Variants in COL7A1 observed in about 807,000 individuals in gnomAD.
COL7A1 encodes collagen type VII alpha 1 chain.
A neutral mutation model predicts 456.2 loss-of-function variants in COL7A1; 296 were observed. The ratio of observed to expected loss-of-function variants is 0.65; its 90% CI spans 0.59 to 0.71. The LOEUF is 0.71. Among genes scored for constraint, COL7A1 ranks in the 30% least tolerant of loss-of-function variants. The probability of loss-of-function intolerance (pLI) is 0.00; values close to 1 mark genes in which losing one functional copy is unlikely to be tolerated. For synonymous variants in COL7A1, 1,464 were observed against 1,525.9 expected, an observed-to-expected ratio of 0.96 and a Z score of 0.95; for missense variants, 3,441 against 4,017.2, an observed-to-expected ratio of 0.86 and a Z score of 3.88.
Position 48,566,202 on chromosome 3 carries a change from G to GGCCT in COL7A1, c.8407+61_8407+64dup. 1.3e-6 allele frequency: 2 copies of GGCCT among 1,537,158 alleles called. No individual in the cohort carries two copies. The highest frequency in any genetic ancestry group is 1.8e-6 in the Non-Finnish European group (2 of 1,130,366). On this transcript the variant is annotated intron_variant, in intron 114 of 118. Coordinates refer to ENST00000681320, the MANE Select transcript of COL7A1 (RefSeq NM_000094.4). The surrounding 1 kb of genome is among the most constrained non-coding windows in gnomAD (Gnocchi z 5.9). ...GACTGCTTGCCCTGTAAGTTCTAGG[G>GGCCT]GCCTGCCTGCCCTTGCCTAGGGTGC...
chr3:48,578,503 G>A lies in COL7A1; in HGVS notation c.5437C>T (p.Leu1813Phe). ...CCAGGGAGGCCCTGTTCTCCACGGA[G>A]GCCTGGAAGCCCCTGGAAAAAGTCT... is the stretch of plus-strand genomic sequence containing the variant. Reference protein sequence around the residue: ...GDPGRDGLPGLRGEQGLPGPS... With the variant: ...GDPGRDGLPGFRGEQGLPGPS... Residue 1813 changes from leucine to phenylalanine, a missense_variant, in exon 64 of 119, where the codon CTC becomes TTC. By Grantham distance (22) the Leu-to-Phe change is conservative. Transcript: ENST00000681320. The surrounding 1 kb of genome is among the most constrained non-coding windows in gnomAD (Gnocchi z 4.7). 9 of 1,612,264 alleles carry A rather than the reference G, an allele frequency of 5.6e-6. No individual in the cohort carries two copies. The highest frequency in any genetic ancestry group is 7.6e-6 in the Non-Finnish European group (9 of 1,179,934).
chr3:48,566,438 G>A lies in COL7A1; in HGVS notation c.8358+72C>T, dbSNP rs2043608213. On this transcript the variant is annotated intron_variant, in intron 113 of 118. Coordinates refer to ENST00000681320, the MANE Select transcript of COL7A1 (RefSeq NM_000094.4). The surrounding 1 kb of genome is among the most constrained non-coding windows in gnomAD (Gnocchi z 5.9). ...CAGGGCCCAGGGGTCAGGGTGCTGG[G>A]TGAGGGAGGTAGGGCCCCAGCCCAC... The A allele has an allele frequency of 6.2e-6, 10 of 1,609,888 alleles. No homozygotes were observed. The highest frequency in any genetic ancestry group is 8.5e-6 in the Non-Finnish European group (10 of 1,177,046).
intron 18 of COL7A1, 120 bp downstream of exon 18, chr3:48,589,207 G>A: frequency 6.6e-7 from 1 of 1,510,704 alleles, no homozygotes; most frequent in Non-Finnish European, 9.1e-7. Context: ...GTGTGGGGTG[G>A]GTCAGTGTGG....
chr3:48,580,078 A>G lies in COL7A1; in HGVS notation c.5098-21T>C. 4.3e-6 allele frequency: 7 copies of G among 1,613,562 alleles called. No individual in the cohort carries two copies. The highest frequency in any genetic ancestry group is 5.9e-6 in the Non-Finnish European group (7 of 1,179,750). The stretch of plus-strand genomic sequence containing the variant: ...GGACCCTGGGAAAGGAAATGATTAT[A>G]GTCAATAGGAGCCCTCAGGTCCCAG... On this transcript the variant is annotated intron_variant, in intron 56 of 118. Transcript: ENST00000681320. This position sits in a 1 kb window ranked among gnomAD's most constrained non-coding sequence, Gnocchi z 4.5.
chr3:48,566,022 CA>C lies in COL7A1; in HGVS notation c.8407+244del, dbSNP rs1263825616. 2.4e-4 allele frequency among the ~76,000 whole-genome samples: 36 copies of C among 152,294 alleles called. No individual in the cohort carries two copies. The highest frequency in any genetic ancestry group is 8.4e-4 in the African/African-American group (35 of 41,558). Reference sequence around the variant, plus strand: ...AGGGGACCAGCTCTGCTCCCACCATCATCCCACTCCCCACACAGCCAAGCTG... The same window carrying C: ...AGGGGACCAGCTCTGCTCCCACCATCTCCCACTCCCCACACAGCCAAGCTG... On this transcript the variant is annotated intron_variant, in intron 114 of 118. Coordinates refer to ENST00000681320, the MANE Select transcript of COL7A1 (RefSeq NM_000094.4). This position sits in a 1 kb window ranked among gnomAD's most constrained non-coding sequence, Gnocchi z 5.9.
chr3:48,583,956 G>A lies in COL7A1; in HGVS notation c.4225-3C>T, dbSNP rs749720530. 1 of 1,614,008 alleles carries A rather than the reference G, an allele frequency of 6.2e-7. No homozygotes were observed. Among genetic ancestry groups the A allele is most frequent in the East Asian group, 2.2e-5 (1 of 44,872 alleles). On this transcript the variant is annotated splice_polypyrimidine_tract_variant and splice_region_variant and intron_variant, in intron 38 of 118. Coordinates refer to ENST00000681320, the MANE Select transcript of COL7A1 (RefSeq NM_000094.4). The surrounding 1 kb of genome is among the most constrained non-coding windows in gnomAD (Gnocchi z 5.1). Reference sequence around the variant, plus strand: ...CCTTCACCTGGTCCAGGGGGACCCTGGGAGAGAACAGCAGGTCAGGGAATG... The same window carrying A: ...CCTTCACCTGGTCCAGGGGGACCCTAGGAGAGAACAGCAGGTCAGGGAATG...
chr3:48,586,010 T>C lies in COL7A1; in HGVS notation c.3724-35A>G. The C allele has an allele frequency of 1.2e-6, 2 of 1,613,702 alleles. No individual in the cohort carries two copies. The highest frequency in any genetic ancestry group is 2.2e-5 in the South Asian group (2 of 91,086). On this transcript the variant is annotated intron_variant, in intron 28 of 118. Coordinates refer to ENST00000681320, the MANE Select transcript of COL7A1 (RefSeq NM_000094.4). This position sits in a 1 kb window ranked among gnomAD's most constrained non-coding sequence, Gnocchi z 5.1. ...TAGGGTCTCTTTGAGGTTGAACATTTCTACCAAGAACCCCCAGACCCCTTA... is the reference window on the plus strand; with the variant it reads ...TAGGGTCTCTTTGAGGTTGAACATTCCTACCAAGAACCCCCAGACCCCTTA...
In COL7A1 at chr3:48,567,554, A is replaced by T; in HGVS notation, c.8046+20T>A. 6.2e-7 allele frequency: 1 copy of T among 1,613,766 alleles called. No homozygotes were observed. The highest frequency in any genetic ancestry group is 8.5e-7 in the Non-Finnish European group (1 of 1,179,904). On this transcript the variant is annotated intron_variant, in intron 109 of 118. Coordinates refer to ENST00000681320, the MANE Select transcript of COL7A1 (RefSeq NM_000094.4). The surrounding 1 kb of genome is among the most constrained non-coding windows in gnomAD (Gnocchi z 4.3). ...CCCATCCTGACTCCCTGTCATGTCC[A>T]CTGTCCACAGACCCTGTACCTTGGG...
rs201196696 is a variant in COL7A1, at chr3:48,581,270, C to T, written c.4889G>A (p.Arg1630Gln). The T allele has an allele frequency of 1.3e-4, 214 of 1,613,396 alleles. No homozygotes were observed. The highest frequency in any genetic ancestry group is 3.0e-4 in the Admixed American group (18 of 59,990). ...RPGPPGPVGP[R>Q]GRDGEVGEKG... is the part of the protein sequence containing the mutation. ...ACTCCAGCCTCTTACATCTCGTCCT[C>T]GGGGGCCAACAGGTCCTGGGGGGCC... The change falls in exon 52 of 119, where the codon CGA (arginine) becomes CAA (glutamine). Residue 1630 changes from arginine (R) to glutamine (Q), a missense_variant. Coordinates refer to ENST00000681320, the MANE Select transcript of COL7A1 (RefSeq NM_000094.4). The surrounding 1 kb of genome is among the most constrained non-coding windows in gnomAD (Gnocchi z 5.8).
intron 65 of COL7A1, 48 bp from the exon 66 acceptor site, chr3:48,577,075 C>A (rs779542185): frequency 6.2e-7 from 1 of 1,609,122 alleles, no homozygotes; most frequent in Non-Finnish European, 8.5e-7. Context: ...TGGTGTCTGG[C>A]TGCAAGACAC....
chr3:48,590,277 C>T lies in COL7A1; in HGVS notation c.1986G>A (p.Gln662=). ...ITGLQPGTTY[Q]VAVSVLRGRE... is the part of the protein sequence containing the mutation. ...TGCCTCGCAGTACCGACACAGCCAC[C>T]TGGTAGGTGGTTCCAGGCTGCAGCC... The change falls in exon 16 of 119, where the codon CAG becomes CAA. Residue 662 remains glutamine, a synonymous_variant. Coordinates refer to ENST00000681320, the MANE Select transcript of COL7A1 (RefSeq NM_000094.4). The surrounding 1 kb of genome is among the most constrained non-coding windows in gnomAD (Gnocchi z 4.6). 6.2e-7 allele frequency: 1 copy of T among 1,614,016 alleles called. No homozygotes were observed. The highest frequency in any genetic ancestry group is 1.3e-5 in the African/African-American group (1 of 75,022).
At position 48,592,946 on chromosome 3, in the gene COL7A1, T is replaced by C. The variant is rs113167762; in HGVS notation, c.683-8A>G. 5.9e-4 allele frequency: 944 copies of C among 1,613,540 alleles called. 5 individuals are homozygous for C. In the African/African-American group the frequency reaches 0.012, roughly 20 times the overall value. Reference sequence around the variant, plus strand: ...CAGAGGTCGAGTCATCCGCTGGGAATGCGGGATCAGGGGATCAGGCAGGAG... The same window carrying C: ...CAGAGGTCGAGTCATCCGCTGGGAACGCGGGATCAGGGGATCAGGCAGGAG... On this transcript the variant is annotated splice_polypyrimidine_tract_variant and splice_region_variant and intron_variant, in intron 6 of 118. Transcript: ENST00000681320. The surrounding 1 kb of genome is among the most constrained non-coding windows in gnomAD (Gnocchi z 7.6).
In COL7A1 at chr3:48,578,335, G is replaced by C. The variant is rs963363774; in HGVS notation, c.5518C>G (p.Leu1840Val). 5 of 1,612,682 alleles carry C rather than the reference G, an allele frequency of 3.1e-6. No homozygotes were observed. In the African/African-American group the frequency reaches 6.7e-5, roughly 22 times the overall value. Residue 1840 changes from leucine to valine, a missense_variant, in exon 65 of 119, where the codon CTG becomes GTG. Leu to Val is a conservative substitution (Grantham distance 32, BLOSUM62 1). This residue lies in a region of COL7A1 where 2,084 missense variants were observed against 2,501.3 expected (regional missense o/e 0.83). Coordinates refer to ENST00000681320, the MANE Select transcript of COL7A1 (RefSeq NM_000094.4). This position sits in a 1 kb window ranked among gnomAD's most constrained non-coding sequence, Gnocchi z 4.7. ...GACACACTCACGTTTTTTCCATTCA[G>C]GCCAGGTTTGCCATCCTCGCCTGGC... ...GKPGEDGKPG[L>V]NGKNGEPGDP...
chr3:48,588,747 A>G lies in COL7A1; in HGVS notation c.2482T>C (p.Ser828Pro), dbSNP rs1423152615. ...CCTTCGAGACCCCGGATCTCTGCAGAGTCTGTGTTTCCTGGGAGTATCTGG... is the reference window on the plus strand; with the variant it reads ...CCTTCGAGACCCCGGATCTCTGCAGGGTCTGTGTTTCCTGGGAGTATCTGG... ...RHQILPGNTD[S>P]AEIRGLEGGV... The change falls in exon 20 of 119, where the codon TCT (serine) becomes CCT (proline). Residue 828 changes from serine to proline, a missense_variant. Physicochemically the swap from Ser to Pro is moderately conservative, Grantham distance 74 (BLOSUM62 -1). This residue lies in a region of COL7A1 where 444 missense variants were observed against 427.6 expected (regional missense o/e 1.04). Transcript: ENST00000681320. This position sits in a 1 kb window ranked among gnomAD's most constrained non-coding sequence, Gnocchi z 4.6. 4 of 1,613,734 alleles carry G rather than the reference A, an allele frequency of 2.5e-6. No individual in the cohort carries two copies. Among genetic ancestry groups the G allele is most frequent in the Non-Finnish European group, 2.5e-6 (3 of 1,180,038 alleles).
Position 48,593,845 on chromosome 3 carries a change from G to C in COL7A1, c.267-149C>G. The C allele has an allele frequency of 1.0e-6, 1 of 984,000 alleles. No individual in the cohort carries two copies. Among genetic ancestry groups the C allele is most frequent in the Non-Finnish European group, 1.6e-6 (1 of 639,460 alleles). The allele number at this position is 984,000 out of a possible 1,614,324, so 61.0% of individuals were successfully genotyped here. A position where few individuals can be genotyped will look rare whatever the true frequency, so the allele number is the denominator to read the frequency against. ...CATTCTCCACACCCACTTGCCTCTG[G>C]AACCCCCAGGTTAACAAACTCCCCA... On this transcript the variant is annotated intron_variant, in intron 3 of 118. Coordinates refer to ENST00000681320, the MANE Select transcript of COL7A1 (RefSeq NM_000094.4). This position sits in a 1 kb window ranked among gnomAD's most constrained non-coding sequence, Gnocchi z 4.4.
chr3:48,584,093 G>T (rs758959969), intron 37 of COL7A1, 32 bp from the exon 38 acceptor site: 3 of 1,614,024 alleles, frequency 1.9e-6, no homozygotes, highest in African/African-American at 2.7e-5. Context: ...CATGACCCTG[G>T]GCCACACCTC....
Position 48,580,477 on chromosome 3 carries a change from T to C in COL7A1, c.5052+104A>G. ...GTGCAGGGGTCAAAGGAAGTGAAGATTGGGAGGGTTTAGCATTACAGGGTT... is the reference window on the plus strand; with the variant it reads ...GTGCAGGGGTCAAAGGAAGTGAAGACTGGGAGGGTTTAGCATTACAGGGTT... On this transcript the variant is annotated intron_variant, in intron 55 of 118. Transcript: ENST00000681320. This position sits in a 1 kb window ranked among gnomAD's most constrained non-coding sequence, Gnocchi z 4.5. The C allele has an allele frequency of 6.8e-7, 1 of 1,480,652 alleles. No homozygotes were observed. Among genetic ancestry groups the C allele is most frequent in the Non-Finnish European group, 9.3e-7 (1 of 1,072,460 alleles). 91.7% of individuals were successfully genotyped at this position (1,480,652 alleles called of 1,614,324 possible).
rs764191830 is a variant in COL7A1 at position 48,580,838 on chromosome 3, C to G, written c.4980+44G>C. The G allele has an allele frequency of 6.2e-7, 1 of 1,612,956 alleles. No homozygotes were observed. Among genetic ancestry groups the G allele is most frequent in the South Asian group, 1.1e-5 (1 of 91,050 alleles). ...CTCAGCCTTTCCTATCACCTTCATG[C>G]CCACCTCCCATCACCCCTGTTACTT... On this transcript the variant is annotated intron_variant, in intron 54 of 118. Coordinates refer to ENST00000681320, the MANE Select transcript of COL7A1 (RefSeq NM_000094.4). The surrounding 1 kb of genome is among the most constrained non-coding windows in gnomAD (Gnocchi z 4.5).
rs749868623 is a variant in COL7A1 at position 48,573,396 on chromosome 3, C to T, written c.6619-48G>A. 2.1e-5 allele frequency: 34 copies of T among 1,613,916 alleles called. No individual in the cohort carries two copies. In the East Asian group the frequency reaches 6.9e-4, roughly 33 times the overall value. On this transcript the variant is annotated intron_variant, in intron 83 of 118. Coordinates refer to ENST00000681320, the MANE Select transcript of COL7A1 (RefSeq NM_000094.4). This position sits in a 1 kb window ranked among gnomAD's most constrained non-coding sequence, Gnocchi z 5.5. ...ATGAGCAGAGCCCACGTGGCCAGGG[C>T]TCCTGGAGCTCATCCTCATTGCAGG...
Sources: gnomAD v4.1 joint callset for allele counts (sites outside exome capture counted in the v4.1 genomes callset) on GRCh38, gnomAD v4.1.1 for gene constraint, gnomAD v4.1.1 regional missense constraint, Gnocchi (gnomAD v3.1) non-coding constraint, MANE v1.5 for transcripts, NCBI Gene and HGNC (gene_info 2026-07-23, HGNC 2026-07-21) for gene names.